ROCK1: variants seen among roughly 807,000 people sequenced by gnomAD.
ROCK1 encodes the protein rho-associated protein kinase 1.
A neutral mutation model predicts 196.8 loss-of-function variants in ROCK1; 36 were observed. That is an observed-to-expected ratio of 0.18 (90% CI 0.14 to 0.24). ROCK1 has a LOEUF of 0.24. Ranked by LOEUF, ROCK1 falls within the 10% of genes least tolerant of loss-of-function variation. The pLI is 1.00. For missense variants in ROCK1, 920 were observed against 1,562.0 expected, an observed-to-expected ratio of 0.59 and a Z score of 6.93; for synonymous variants, 443 against 515.9, an observed-to-expected ratio of 0.86 and a Z score of 1.91.
intron 9 of ROCK1, among the ~76,000 whole-genome samples, chr18:21,035,211 C>T (rs1301996843): frequency 3.3e-5 from 5 of 152,186 alleles, no homozygotes; most frequent in African/African-American, 1.2e-4. Flanking sequence ...TGAAACGGTG[C>T]AAACATTGTG....
chr18:21,015,547 CATTCCTTACT>C lies in ROCK1; in HGVS notation c.1362-78_1362-69del. 3.0e-6 allele frequency: 3 copies of C among 983,996 alleles called. No homozygotes were observed. In the South Asian group the frequency reaches 4.3e-5, roughly 14 times the overall value. 61.0% of individuals were successfully genotyped at this position (983,996 alleles called of 1,614,324 possible). On this transcript the variant is annotated intron_variant, in intron 12 of 32. Transcript: ENST00000399799. ...CTTATTGCCCAGTGTTAAACACTAA[CATTCCTTACT>C]TTTCCACTTAACTAGAGTTTTGTAT...
chr18:21,032,813 C>T (rs1255240293), intron 9 of ROCK1, among the ~76,000 whole-genome samples: 1 of 151,824 alleles, frequency 6.6e-6, no homozygotes, highest in Non-Finnish European at 1.5e-5. Flanking sequence ...TGAGCCACCA[C>T]ACCCGGCCTA....
intron 9 of ROCK1, among the ~76,000 whole-genome samples, chr18:21,035,649 T>C (rs1285208550): frequency 1.3e-5 from 2 of 152,226 alleles, no homozygotes; most frequent in Non-Finnish European, 2.9e-5. Context: ...GATATTTGTA[T>C]TCTACTGTTT....
intron 13 of ROCK1, among the ~76,000 whole-genome samples, chr18:21,010,829 T>C (rs1212516949): frequency 1.3e-5 from 2 of 152,214 alleles, no homozygotes; most frequent in South Asian, 2.1e-4. Flanking sequence ...TCCAGTCTTA[T>C]CAACTTTTGC....
intron 4 of ROCK1, among the ~76,000 whole-genome samples, chr18:21,047,345 C>T (rs1175814387): frequency 6.6e-6 from 1 of 151,974 alleles, no homozygotes; most frequent in Non-Finnish European, 1.5e-5. Flanking sequence ...GCCAGGAATG[C>T]TGCCAAACAT....
At chr18:21,066,360 A>C (rs745344475) in intron 2 of ROCK1, among the ~76,000 whole-genome samples, 1 of 152,232 alleles carries the variant, frequency 6.6e-6, no homozygotes, top group Non-Finnish European at 1.5e-5. Flanking sequence ...TTAAAAAATT[A>C]ACTTACATAG....
intron 12 of ROCK1, 127 bp from the exon 13 acceptor site, chr18:21,015,606 T>C: frequency 3.0e-6 from 2 of 666,346 alleles, no homozygotes; most frequent in Non-Finnish European, 5.3e-6. Flanking sequence ...CATGGATCTC[T>C]TTGGCAGTCA....
intron 7 of ROCK1, 126 bp from the exon 8 acceptor site, chr18:21,042,361 C>A: frequency 1.0e-6 from 1 of 985,190 alleles, no homozygotes. Context: ...AAAACATACA[C>A]CTAATATATA....
At chr18:21,022,323 A>C (rs1019202840) in intron 11 of ROCK1, among the ~76,000 whole-genome samples, 2 of 152,198 alleles carry the variant, frequency 1.3e-5, no homozygotes, top group Non-Finnish European at 2.9e-5. Flanking sequence ...AACATGAGCT[A>C]TATAAACAAC....
At chr18:20,997,846 T>G (rs1336475696) in intron 16 of ROCK1, among the ~76,000 whole-genome samples, 1 of 152,074 alleles carries the variant, frequency 6.6e-6, no homozygotes, top group East Asian at 1.9e-4. Flanking sequence ...ATTTTTTTTT[T>G]TTTTTTGAGA....
chr18:21,091,002 A>G (rs2036565045), intron 1 of ROCK1, among the ~76,000 whole-genome samples: 1 of 152,068 alleles, frequency 6.6e-6, no homozygotes, highest in Admixed American at 6.6e-5. Context: ...GTAACAGTTG[A>G]CCCTTAAACA....
In ROCK1 at chr18:20,984,432, A is replaced by G. The variant is rs1489031567; in HGVS notation, c.2408T>C (p.Leu803Ser). Residue 803 changes from leucine (L) to serine (S), a missense_variant, in exon 20 of 33, where the codon TTA becomes TCA. Physicochemically the swap from Leu to Ser is moderately radical, Grantham distance 145 (BLOSUM62 -2). Transcript: ENST00000399799. ...QAFEADNLKG[L>S]EKQMKQEINT... ...TATTTCCTGTTTCATCTGCTTTTCT[A>G]AACCTTTTAAATTGTCTGCCTCAAA... The G allele has an allele frequency of 6.2e-7, 1 of 1,612,918 alleles. No individual in the cohort carries two copies. The highest frequency in any genetic ancestry group is 1.3e-5 in the African/African-American group (1 of 74,912).
chr18:21,100,519 A>G (rs1428869386), intron 1 of ROCK1, among the ~76,000 whole-genome samples: 1 of 152,028 alleles, frequency 6.6e-6, no homozygotes. Flanking sequence ...ATCAGCAAGG[A>G]TGACATAAAT....
intron 13 of ROCK1, among the ~76,000 whole-genome samples, chr18:21,008,674 G>A (rs1308059335): frequency 6.6e-6 from 1 of 152,174 alleles, no homozygotes; most frequent in Non-Finnish European, 1.5e-5. Flanking sequence ...TCCACATTAG[G>A]AAACCTGTTT....
rs1254897160 is a variant in ROCK1, at chr18:20,948,444, T to G, written c.*2940A>C. On this transcript the variant is annotated 3_prime_UTR_variant, in exon 33 of 33. Transcript: ENST00000399799. ...TATGAATTACAAACTCAAGTAACTA[T>G]GAGTTTGTCATTTAAGTTCTTTTAC... is the stretch of plus-strand genomic sequence containing the variant. 6.6e-6 allele frequency: 1 copy of G among 151,274 alleles called. No homozygotes were observed. Among genetic ancestry groups the G allele is most frequent in the Non-Finnish European group, 1.5e-5 (1 of 68,038 alleles). 9.4% of individuals were successfully genotyped at this position (151,274 alleles called of 1,614,324 possible). A position where few individuals can be genotyped will look rare whatever the true frequency, so the allele number is the denominator to read the frequency against.
chr18:20,959,041 A>ATATATATATTT (rs2035284652), intron 29 of ROCK1, among the ~76,000 whole-genome samples: 1 of 47,736 alleles, frequency 2.1e-5, no homozygotes, highest in African/African-American at 2.0e-4. Flanking sequence ...ATTTTATATA[A>ATATATATATTT]TATATAATAT....
At chr18:20,964,149 T>C (rs1308041386) in intron 27 of ROCK1, among the ~76,000 whole-genome samples, 1 of 151,984 alleles carries the variant, frequency 6.6e-6, no homozygotes. Flanking sequence ...AACTGAAAAA[T>C]GTGACCCATA....
At chr18:21,051,116 A>T (rs983264611) in intron 2 of ROCK1, among the ~76,000 whole-genome samples, 1 of 152,164 alleles carries the variant, frequency 6.6e-6, no homozygotes, top group Non-Finnish European at 1.5e-5. Flanking sequence ...AAAAAAGTCT[A>T]AACTGAATAG....
At chr18:21,030,964 T>C (rs1200120147) in intron 9 of ROCK1, among the ~76,000 whole-genome samples, 4 of 152,176 alleles carry the variant, frequency 2.6e-5, no homozygotes, top group East Asian at 3.9e-4. Flanking sequence ...GAGTGTTTAA[T>C]GAAGAAAGAG....
Sources: gnomAD v4.1 joint callset for allele counts (sites outside exome capture counted in the v4.1 genomes callset) on GRCh38, gnomAD v4.1.1 for gene constraint, MANE v1.5 for transcripts, NCBI Gene and HGNC (gene_info 2026-07-23, HGNC 2026-07-21) for gene names.